The following MAP2K3 variants were observed in gnomAD, a reference collection of about 807,000 sequenced individuals.
MAP2K3 encodes mitogen-activated protein kinase kinase 3, also known as dual specificity mitogen-activated protein kinase kinase 3.
In MAP2K3, 30 loss-of-function variants were observed where a neutral mutation model predicts 46.4. The ratio of observed to expected loss-of-function variants is 0.65; its 90% CI spans 0.48 to 0.88. The LOEUF is 0.88. MAP2K3 is among the 40% of genes least tolerant of loss of function. The pLI is 0.00. For synonymous variants in MAP2K3, 189 were observed against 176.3 expected (o/e 1.07, Z -0.57); for missense variants, 380 against 464.5 (o/e 0.82, Z 1.67).
intron 7 of MAP2K3, 117 bp from the exon 8 acceptor site, chr17:21,304,309 T>A (rs1272406564): frequency 2.6e-6 from 4 of 1,564,154 alleles, no homozygotes; most frequent in Non-Finnish European, 3.5e-6. Context: ...CACTGGGGCA[T>A]GGGAGGGGGC....
chr17:21,313,447 C>T, intron 10 of MAP2K3, 45 bp from the exon 11 acceptor site: 8 of 1,582,508 alleles, frequency 5.1e-6, no homozygotes, highest in Middle Eastern at 1.7e-4. Context: ...GGGGGCTGGG[C>T]TTCCTCCCTG....
chr17:21,298,770 C>A, intron 2 of MAP2K3, 108 bp from the exon 3 acceptor site: 4 of 1,535,380 alleles, frequency 2.6e-6, no homozygotes, highest in South Asian at 2.3e-5. Context: ...GCCTCCGGGG[C>A]AGGAGGCACC....
chr17:21,304,596 C>T (rs371048181), intron 8 of MAP2K3, 43 bp downstream of exon 8: 350 of 1,613,152 alleles, frequency 2.2e-4, no homozygotes, highest in Non-Finnish European at 2.8e-4. Context: ...GAGGATGGGG[C>T]GGGGAGAAAT....
rs767699965 is a variant in MAP2K3, at chr17:21,314,191, T to C, written c.1005T>C (p.Ile335=). ...FTLHKTKKTD[I]AAFVKEILGE... is the part of the protein sequence containing the mutation. ...TGCACAAAACCAAGAAGACGGACAT[T>C]GCTGCCTTCGTGAAGGAGATCCTGG... Residue 335 remains isoleucine (I), a synonymous_variant, in exon 12 of 12, where the codon ATT becomes ATC. Transcript: ENST00000342679. The C allele has an allele frequency of 6.2e-7, 1 of 1,614,038 alleles. No individual in the cohort carries two copies. Among genetic ancestry groups the C allele is most frequent in the African/African-American group, 1.3e-5 (1 of 75,034 alleles).
At chr17:21,291,318 G>GAATACAATACAATAGAATAC (rs1567658279) in intron 1 of MAP2K3, 10 of 56,528 alleles carry the variant, frequency 1.8e-4, no homozygotes, top group Admixed American at 4.9e-4. Context: ...CAATACAATA[G>GAATACAATACAATAGAATAC]AATACAATAG....
At chr17:21,304,236 G>T (rs1388806331) in intron 7 of MAP2K3, among the ~76,000 whole-genome samples, 190 bp from the exon 8 acceptor site, 2 of 152,308 alleles carry the variant, frequency 1.3e-5, no homozygotes, top group African/African-American at 4.8e-5. Context: ...CTCTCAGCTG[G>T]CCCGGCACCT....
intron 11 of MAP2K3, 35 bp from the exon 12 acceptor site, chr17:21,314,112 C>T (rs200084112): frequency 1.6e-5 from 25 of 1,543,290 alleles, no homozygotes; most frequent in Non-Finnish European, 2.2e-5. Context: ...CTCCCGCTAC[C>T]CCTCCATGGT....
chr17:21,293,516 G>A (rs1260358852), intron 1 of MAP2K3, among the ~76,000 whole-genome samples: 1 of 152,308 alleles, frequency 6.6e-6, no homozygotes, highest in Non-Finnish European at 1.5e-5. Context: ...GGGTGCTCCC[G>A]AGCCATGCTG....
At chr17:21,299,998 A>G (rs1424619556) in intron 3 of MAP2K3, among the ~76,000 whole-genome samples, 2 of 152,304 alleles carry the variant, frequency 1.3e-5, no homozygotes, top group African/African-American at 4.8e-5. Context: ...AATAAACCCC[A>G]TTCCCTAGGC....
At position 21,301,682 on chromosome 17, in the gene MAP2K3, G is replaced by A. The variant is rs985213009; in HGVS notation, c.400-461G>A. Among the ~76,000 whole-genome samples, 5 of 152,424 alleles carry A rather than the reference G, an allele frequency of 3.3e-5. No individual in the cohort carries two copies. In the East Asian group the frequency reaches 7.7e-4, roughly 23 times the overall value. The stretch of plus-strand genomic sequence containing the variant: ...CCTGCAGCCTGCGGGTGCCCCCTGC[G>A]CATCTCCCAACCTTCCTGTCAGGAG... On this transcript the variant is annotated intron_variant, in intron 5 of 11. Transcript: ENST00000342679.
rs1340112579 is a variant in MAP2K3 at position 21,298,442 on chromosome 17, A to T, written c.79A>T (p.Ile27Leu). 1.9e-6 allele frequency: 3 copies of T among 1,614,200 alleles called. No individual in the cohort carries two copies. The highest frequency in any genetic ancestry group is 2.5e-6 in the Non-Finnish European group (3 of 1,180,068). ...GKSKRKKDLR[I>L]SCMSKPPAPN... The stretch of plus-strand genomic sequence containing the variant: ...ATCCAAGAGGAAGAAGGATCTACGG[A>T]TATCCTGCATGTCCAAGCCACCCGC... The change falls in exon 2 of 12, where the codon ATA becomes TTA. Residue 27 changes from isoleucine (I) to leucine (L), a missense_variant. Ile to Leu is a conservative substitution (Grantham distance 5). Transcript: ENST00000342679.
chr17:21,303,206 G>T lies in MAP2K3; in HGVS notation c.540G>T (p.Leu180=), dbSNP rs776572025. 2 of 1,614,206 alleles carry T rather than the reference G, an allele frequency of 1.2e-6. No individual in the cohort carries two copies. The highest frequency in any genetic ancestry group is 2.2e-5 in the South Asian group (2 of 91,090). ...AGATCGTGCGGGCCCTGGAGCATCT[G>T]CACAGCAAGCTGTCGGTGATCCACA... ...AVSIVRALEH[L]HSKLSVIHRD... Residue 180 remains leucine, a synonymous_variant, in exon 7 of 12, where the codon CTG becomes CTT. Coordinates refer to ENST00000342679, the MANE Select transcript of MAP2K3 (RefSeq NM_145109.3).
Position 21,305,018 on chromosome 17 carries a change from C to T in MAP2K3, c.697-33C>T, listed in dbSNP as rs373588928. ...CCTAGCCATGGGGGCTTACCTGGGG[C>T]GGGTGTTCACGCCTCACTCTTCCCT... is the stretch of plus-strand genomic sequence containing the variant. On this transcript the variant is annotated intron_variant, in intron 8 of 11. Transcript: ENST00000342679. 612 of 1,613,588 alleles carry T rather than the reference C, an allele frequency of 3.8e-4. No individual in the cohort carries two copies. The African/African-American group carries it at 7.1e-3, about 19-fold the overall frequency.
intron 11 of MAP2K3, 47 bp downstream of exon 11, chr17:21,313,584 G>A: frequency 1.4e-6 from 2 of 1,426,972 alleles, no homozygotes; most frequent in South Asian, 1.2e-5. Context: ...GGGCTGGCTG[G>A]GGCTGGGTGG....
At chr17:21,313,782 C>T (rs1977279651) in intron 11 of MAP2K3, 2 of 583,722 alleles carry the variant, frequency 3.4e-6, no homozygotes, top group South Asian at 4.1e-5. Context: ...GCAGAGGGGC[C>T]AAGGGTGGCA....
intron 1 of MAP2K3, among the ~76,000 whole-genome samples, chr17:21,294,379 G>A (rs1167925993): frequency 6.6e-6 from 1 of 152,312 alleles, no homozygotes; most frequent in Non-Finnish European, 1.5e-5. Flanking sequence ...ATGTGGCATG[G>A]TGTGGGGCTG....
Position 21,300,969 on chromosome 17 carries a change from C to T in MAP2K3, c.375C>T (p.Thr125=), listed in dbSNP as rs765757519. 1.5e-5 allele frequency: 24 copies of T among 1,614,020 alleles called. No homozygotes were observed. The highest frequency in any genetic ancestry group is 3.3e-4 in the Middle Eastern group (2 of 6,084). The change falls in exon 5 of 12, where the codon ACC becomes ACT. Residue 125 remains threonine, a synonymous_variant. Coordinates refer to ENST00000342679, the MANE Select transcript of MAP2K3 (RefSeq NM_145109.3). ...MRTVDCFYTV[T]FYGALFREGD... ...CGGTCGACTGTTTCTACACTGTCAC[C>T]TTCTACGGGGCACTATTCAGAGAGG...
At chr17:21,295,388 GAGGACACCCC>G (rs914997293) in intron 1 of MAP2K3, among the ~76,000 whole-genome samples, 3 of 152,308 alleles carry the variant, frequency 2.0e-5, no homozygotes, top group Non-Finnish European at 2.9e-5. Flanking sequence ...GGAGTATGTG[GAGGACACCCC>G]AGGACACCCC....
intron 1 of MAP2K3, chr17:21,285,400 C>A (rs1975696224): frequency 1.9e-6 from 1 of 516,324 alleles, no homozygotes; most frequent in Non-Finnish European, 2.5e-6. Context: ...GGTCCCAGGG[C>A]TGTATCCAGG....
Sources: allele counts gnomAD v4.1 joint callset (sites outside exome capture counted in the v4.1 genomes callset), GRCh38; gene constraint gnomAD v4.1.1; transcripts MANE v1.5; gene names NCBI Gene and HGNC (gene_info 2026-07-23, HGNC 2026-07-21).